The following SV2C variants were observed in gnomAD, a reference collection of about 807,000 sequenced individuals.
SV2C encodes solute carrier family 22 member B3.
SV2C carries 49 observed loss-of-function variants against 79.7 expected under a neutral mutation model. The observed-to-expected ratio is 0.61, with a 90% CI of 0.49 to 0.78. The LOEUF is 0.78. Among genes scored for constraint, SV2C ranks in the 30% least tolerant of loss-of-function variants. The pLI, the probability that SV2C is intolerant of heterozygous loss-of-function variation, is 0.00. For missense variants in SV2C, 833 were observed against 912.9 expected, an observed-to-expected ratio of 0.91 and a Z score of 1.13; for synonymous variants, 334 against 333.2, an observed-to-expected ratio of 1.00 and a Z score of -0.03.
the SV2C span, among the ~76,000 whole-genome samples, chr5:75,903,649 C>T: frequency 6.6e-6 from 1 of 152,152 alleles, no homozygotes; most frequent in South Asian, 2.1e-4. Flanking sequence ...GAACCACCAA[C>T]GATGAAGATG....
In SV2C at chr5:76,271,388, G is replaced by A. The variant is rs80044001; in HGVS notation, c.914-13774G>A. On this transcript the variant is annotated intron_variant, in intron 4 of 12. Transcript: ENST00000502798. ...TTGGGACTACCCACAAAAAACAACC[G>A]AAAAGAGTTTAACATGACAAATAGG... 1.6e-3 allele frequency among the ~76,000 whole-genome samples: 241 copies of A among 152,190 alleles called. 1 individual carries two copies. In the East Asian group the frequency reaches 0.022, roughly 14 times the overall value.
chr5:76,056,853 A>C, the SV2C span, among the ~76,000 whole-genome samples: 1 of 151,884 alleles, frequency 6.6e-6, no homozygotes, highest in East Asian at 1.9e-4. Flanking sequence ...CAGTGGTGAT[A>C]TCCCCTTTAT....
intron 12 of SV2C, among the ~76,000 whole-genome samples, chr5:76,304,262 G>C (rs979717982): frequency 1.3e-5 from 2 of 152,210 alleles, no homozygotes; most frequent in Non-Finnish European, 2.9e-5. Flanking sequence ...TTGTGCTCCA[G>C]AGCAGCGTGA....
chr5:76,345,407 A>G (rs1749520504), intron 12 of SV2C, among the ~76,000 whole-genome samples: 1 of 152,224 alleles, frequency 6.6e-6, no homozygotes, highest in Non-Finnish European at 1.5e-5. Flanking sequence ...ACCAGCTTAC[A>G]GTCTAGCTGG....
At chr5:76,255,927 A>G (rs1472226927) in intron 4 of SV2C, among the ~76,000 whole-genome samples, 1 of 152,206 alleles carries the variant, frequency 6.6e-6, no homozygotes, top group East Asian at 1.9e-4. Flanking sequence ...TCTCCATAGA[A>G]AGGAAATACA....
the SV2C span, among the ~76,000 whole-genome samples, chr5:75,972,837 A>G: frequency 7.2e-5 from 11 of 152,258 alleles, 1 homozygote; most frequent in East Asian, 1.5e-3. Context: ...GTAAACACCC[A>G]AAGGATTATA....
the SV2C span, among the ~76,000 whole-genome samples, chr5:75,928,346 A>T: frequency 5.9e-5 from 9 of 152,198 alleles, no homozygotes; most frequent in Non-Finnish European, 1.0e-4. Context: ...ATCCCCTGGA[A>T]ACTGCAGAAA....
At chr5:76,173,972 T>C in intron 2 of SV2C, 1 of 1,557,122 alleles carries the variant, frequency 6.4e-7, no homozygotes, top group South Asian at 1.1e-5. Context: ...ATTTTTCATG[T>C]ATAAATCCCT....
Position 76,300,180 on chromosome 5 carries a change from T to TA in SV2C, c.1637-548dup, listed in dbSNP as rs745376117. ...AAATTATTATTATTATTATTATTAT[T>TA]ATTATTATTATTTTTGTAGAGATGG... On this transcript the variant is annotated intron_variant, in intron 10 of 12. Transcript: ENST00000502798. Among the ~76,000 whole-genome samples the TA allele has an allele frequency of 2.0e-3, 290 of 148,288 alleles. 1 individual carries two copies. The highest frequency in any genetic ancestry group is 3.2e-3 in the Non-Finnish European group (214 of 67,260).
intron 4 of SV2C, among the ~76,000 whole-genome samples, chr5:76,267,393 A>G (rs1285128587): frequency 1.3e-5 from 2 of 152,208 alleles, no homozygotes; most frequent in Admixed American, 6.5e-5. Context: ...ATATTAAAAA[A>G]ATACATCTAT....
intron 3 of SV2C, among the ~76,000 whole-genome samples, chr5:76,202,263 C>CTGTG: frequency 6.6e-6 from 1 of 152,244 alleles, no homozygotes; most frequent in East Asian, 1.9e-4. Context: ...GTGAGAGATG[C>CTGTG]TGTGTTCAGC....
At chr5:75,895,822 G>A in the SV2C span, among the ~76,000 whole-genome samples, 129 of 152,094 alleles carry the variant, frequency 8.5e-4, no homozygotes, top group African/African-American at 2.9e-3. Context: ...CGGAGCATGT[G>A]GATTAATGTT....
the SV2C span, among the ~76,000 whole-genome samples, chr5:76,033,056 T>C: frequency 1.3e-5 from 2 of 152,152 alleles, no homozygotes; most frequent in Non-Finnish European, 2.9e-5. Flanking sequence ...TTTTGAGAAG[T>C]GTCTGTTCAT....
the SV2C span, among the ~76,000 whole-genome samples, chr5:75,891,262 C>T: frequency 1.3e-5 from 2 of 152,070 alleles, no homozygotes; most frequent in African/African-American, 2.4e-5. Flanking sequence ...GAGAGATAAC[C>T]AGGAACTGGG....
the SV2C span, among the ~76,000 whole-genome samples, chr5:75,985,972 T>C: frequency 6.6e-6 from 1 of 151,684 alleles, no homozygotes; most frequent in Non-Finnish European, 1.5e-5. Context: ...ATGAAAAGGA[T>C]AATCACGTGT....
At chr5:76,346,137 AGTTGG>A (rs1426907030) in intron 12 of SV2C, among the ~76,000 whole-genome samples, 3 of 152,122 alleles carry the variant, frequency 2.0e-5, no homozygotes, top group African/African-American at 7.2e-5. Flanking sequence ...CCAAATGTGG[AGTTGG>A]GAGAAGTGCA....
chr5:75,900,119 A>G, the SV2C span, among the ~76,000 whole-genome samples: 25,220 of 151,774 alleles, frequency 0.17, 6,237 homozygotes, highest in African/African-American at 0.54. Flanking sequence ...GATGTTAGCC[A>G]GTTATTTTGC....
chr5:76,183,284 C>T (rs1743810375), intron 2 of SV2C, among the ~76,000 whole-genome samples: 1 of 151,862 alleles, frequency 6.6e-6, no homozygotes, highest in Non-Finnish European at 1.5e-5. Context: ...CTTGGTCTCC[C>T]AAAGTGCTGA....
chr5:76,324,989 C>T (rs748894042), intron 12 of SV2C, among the ~76,000 whole-genome samples: 1 of 152,182 alleles, frequency 6.6e-6, no homozygotes, highest in Non-Finnish European at 1.5e-5. Context: ...TGCCACTGCA[C>T]TCCAGCCTGG....
Sources: allele counts gnomAD v4.1 joint callset (sites outside exome capture counted in the v4.1 genomes callset), GRCh38; gene constraint gnomAD v4.1.1; transcripts MANE v1.5; gene names NCBI Gene and HGNC (gene_info 2026-07-23, HGNC 2026-07-21).